ZNF438: variants seen among roughly 807,000 people sequenced by gnomAD.
ZNF438 encodes the protein zinc finger protein 438.
ZNF438 carries 25 observed loss-of-function variants against 38.0 expected under a neutral mutation model. The ratio of observed to expected loss-of-function variants is 0.66; its 90% CI spans 0.48 to 0.92. The LOEUF is 0.92. Ranked by LOEUF, ZNF438 falls within the 40% of genes least tolerant of loss-of-function variation. ZNF438 has a pLI of 0.00. For missense variants in ZNF438, 1,007 were observed against 999.6 expected, an observed-to-expected ratio of 1.01 and a Z score of -0.10; for synonymous variants, 372 against 364.1, an observed-to-expected ratio of 1.02 and a Z score of -0.25.
intron 3 of ZNF438, among the ~76,000 whole-genome samples, chr10:30,886,426 G>C (rs1465814375): frequency 6.6e-6 from 1 of 152,162 alleles, no homozygotes; most frequent in East Asian, 1.9e-4. Context: ...CCCATTTACA[G>C]ATGCCCCTTC....
At chr10:30,922,577 T>C (rs2044425962) in intron 2 of ZNF438, among the ~76,000 whole-genome samples, 1 of 152,224 alleles carries the variant, frequency 6.6e-6, no homozygotes, top group South Asian at 2.1e-4. Context: ...CTCACGCCTG[T>C]AATCCCAGCA....
chr10:30,949,557 T>C (rs1034281074), intron 1 of ZNF438, among the ~76,000 whole-genome samples: 3 of 152,064 alleles, frequency 2.0e-5, no homozygotes, highest in African/African-American at 7.2e-5. Flanking sequence ...TGGAGGAAGA[T>C]CTACCAAGCA....
intron 1 of ZNF438, among the ~76,000 whole-genome samples, chr10:31,013,783 T>C (rs1335836063): frequency 2.6e-5 from 4 of 152,312 alleles, no homozygotes; most frequent in South Asian, 4.1e-4. Context: ...CTTACATTTC[T>C]CCCATCATTT....
At chr10:30,925,253 T>C (rs1432670893) in intron 2 of ZNF438, among the ~76,000 whole-genome samples, 1 of 137,864 alleles carries the variant, frequency 7.3e-6, no homozygotes, top group East Asian at 2.1e-4. Flanking sequence ...TGAACAGAAA[T>C]GGTGATACTG....
chr10:30,859,093 G>A (rs542996271), intron 4 of ZNF438, among the ~76,000 whole-genome samples: 1 of 152,144 alleles, frequency 6.6e-6, no homozygotes, highest in African/African-American at 2.4e-5. Flanking sequence ...GTATCTGTTT[G>A]TTTTTGAGAC....
At chr10:30,933,835 A>G (rs1390069933) in intron 2 of ZNF438, among the ~76,000 whole-genome samples, 2 of 152,076 alleles carry the variant, frequency 1.3e-5, no homozygotes, top group Admixed American at 6.5e-5. Context: ...CAGTGGGGGC[A>G]CTGGGAGCCA....
chr10:30,990,342 CAAATAGAT>C (rs1352210397), intron 1 of ZNF438, among the ~76,000 whole-genome samples: 1 of 151,762 alleles, frequency 6.6e-6, no homozygotes, highest in African/African-American at 2.4e-5. Context: ...CCTTAATGAA[CAAATAGAT>C]ACAAATAATA....
chr10:30,993,762 C>T (rs141777825), intron 1 of ZNF438, among the ~76,000 whole-genome samples: 11 of 152,214 alleles, frequency 7.2e-5, no homozygotes, highest in African/African-American at 2.4e-4. Context: ...GTCCAACCTG[C>T]GAAAGCCACA....
chr10:30,948,131 A>C (rs112069510), intron 1 of ZNF438, among the ~76,000 whole-genome samples: 13 of 152,266 alleles, frequency 8.5e-5, no homozygotes, highest in African/African-American at 3.1e-4. Flanking sequence ...ACCCCCCAGC[A>C]GGGGCACACC....
chr10:30,924,503 G>T (rs527522090), intron 2 of ZNF438, among the ~76,000 whole-genome samples: 2 of 152,276 alleles, frequency 1.3e-5, no homozygotes, highest in South Asian at 2.1e-4. Flanking sequence ...AGGCCTGAAG[G>T]TCATTTCCTG....
rs1457605294 is a variant in ZNF438 at position 30,908,950 on chromosome 10, T to A, written c.-49A>T. 2 of 152,204 alleles carry A rather than the reference T, an allele frequency of 1.3e-5. No individual in the cohort carries two copies. Among genetic ancestry groups the A allele is most frequent in the Non-Finnish European group, 2.9e-5 (2 of 68,014 alleles). The allele number at this position is 152,204 out of a possible 1,614,324, so 9.4% of individuals were successfully genotyped here. On this transcript the variant is annotated 5_prime_UTR_variant, in exon 3 of 6. The change abolishes an upstream ATG in the 5' untranslated region. Transcript: ENST00000413025. ...CAAAATACCTTTTACTGTTCTTGCA[T>A]GAAGTTTGTGGTTAATTCCATCAAA...
chr10:30,858,888 C>A (rs1246764943), intron 4 of ZNF438, among the ~76,000 whole-genome samples: 1 of 152,176 alleles, frequency 6.6e-6, no homozygotes, highest in Non-Finnish European at 1.5e-5. Flanking sequence ...TTTGTCTTGT[C>A]AAACAGTGCA....
At chr10:30,887,282 C>T (rs2040072396) in intron 3 of ZNF438, among the ~76,000 whole-genome samples, 1 of 152,214 alleles carries the variant, frequency 6.6e-6, no homozygotes, top group Non-Finnish European at 1.5e-5. Flanking sequence ...CATGCTTTCC[C>T]CTGGCTCCTT....
chr10:30,985,311 A>G (rs2052648250), intron 1 of ZNF438, among the ~76,000 whole-genome samples: 1 of 152,204 alleles, frequency 6.6e-6, no homozygotes, highest in African/African-American at 2.4e-5. Flanking sequence ...AGCAGACAGG[A>G]CAGAGAAAGT....
chr10:30,948,458 C>T (rs969718096), intron 1 of ZNF438, among the ~76,000 whole-genome samples: 98 of 152,090 alleles, frequency 6.4e-4, no homozygotes, highest in African/African-American at 1.9e-3. Context: ...CTCTGAGCTA[C>T]GGGAGGACAT....
chr10:30,946,063 T>C (rs2047372475), intron 1 of ZNF438, among the ~76,000 whole-genome samples: 1 of 148,060 alleles, frequency 6.8e-6, no homozygotes, highest in South Asian at 2.2e-4. Flanking sequence ...CTCCAGCACC[T>C]GTTGTTTCCT....
chr10:30,973,811 T>C (rs76136051), intron 1 of ZNF438, among the ~76,000 whole-genome samples: 3,813 of 152,302 alleles, frequency 0.025, 67 homozygotes, highest in Non-Finnish European at 0.038. Context: ...CTTTGCTGCA[T>C]AGATTTTATT....
In ZNF438 at chr10:31,007,947, G is replaced by A. The variant is rs2055318108; in HGVS notation, c.-192+23886C>T. 2.0e-5 allele frequency among the ~76,000 whole-genome samples: 3 copies of A among 152,146 alleles called. No individual in the cohort carries two copies. In the South Asian group the frequency reaches 6.2e-4, roughly 31 times the overall value. ...TAGATGACTTCTGAAGTTTCTGCCA[G>A]CTCTAAAACTTTACGATTCTAAAAT... is the stretch of plus-strand genomic sequence containing the variant. On this transcript the variant is annotated intron_variant, in intron 1 of 5. Coordinates refer to ENST00000413025, the Ensembl canonical transcript of ZNF438.
At chr10:30,911,810 T>A (rs919783681) in intron 2 of ZNF438, among the ~76,000 whole-genome samples, 17 of 152,098 alleles carry the variant, frequency 1.1e-4, no homozygotes, top group African/African-American at 4.1e-4. Context: ...AGTTATCTGA[T>A]GGAAAGTCAC....
Sources: gnomAD v4.1 joint callset for allele counts (sites outside exome capture counted in the v4.1 genomes callset) on GRCh38, gnomAD v4.1.1 for gene constraint, MANE v1.5 for transcripts, NCBI Gene and HGNC (gene_info 2026-07-23, HGNC 2026-07-21) for gene names.